Variants in ELOVL6 observed in about 807,000 individuals in gnomAD.
The protein encoded by ELOVL6 is very long chain fatty acid elongase 6.
A neutral mutation model predicts 31.7 loss-of-function variants in ELOVL6; 8 were observed. That is an observed-to-expected ratio of 0.25 (90% CI 0.15 to 0.45). ELOVL6 has a LOEUF of 0.45. Ranked by LOEUF, ELOVL6 falls within the 20% of genes least tolerant of loss-of-function variation. The probability of loss-of-function intolerance (pLI) is 1.00; values close to 1 mark genes in which losing one functional copy is unlikely to be tolerated. For synonymous variants in ELOVL6, 101 were observed against 117.7 expected, an observed-to-expected ratio of 0.86 and a Z score of 0.92; for missense variants, 126 against 326.4, an observed-to-expected ratio of 0.39 and a Z score of 4.73.
Position 110,105,636 on chromosome 4 carries a change from C to T in ELOVL6, c.90-8G>A. ...AACAGGAAAGATTTCTTCCTGCAAA[C>T]AAGCAAACAAAATCTTTAAGATATT... On this transcript the variant is annotated splice_polypyrimidine_tract_variant and splice_region_variant and intron_variant, in intron 1 of 3. Coordinates refer to ENST00000302274, the MANE Select transcript of ELOVL6 (RefSeq NM_024090.3). 1 of 1,606,902 alleles carries T rather than the reference C, an allele frequency of 6.2e-7. No individual in the cohort carries two copies. The highest frequency in any genetic ancestry group is 8.5e-7 in the Non-Finnish European group (1 of 1,176,946).
chr4:110,119,106 T>C (rs1030503804), intron 1 of ELOVL6, among the ~76,000 whole-genome samples: 2 of 152,122 alleles, frequency 1.3e-5, no homozygotes, highest in African/African-American at 4.8e-5. Context: ...TAGCAATAGC[T>C]CTATTTTCAG....
At chr4:110,077,119 A>G (rs1004650131) in intron 2 of ELOVL6, among the ~76,000 whole-genome samples, 3 of 152,188 alleles carry the variant, frequency 2.0e-5, no homozygotes, top group Non-Finnish European at 2.9e-5. Context: ...AGCCAACCGC[A>G]GCTCAAGGAG....
At chr4:110,113,731 T>C (rs1036147434) in intron 1 of ELOVL6, among the ~76,000 whole-genome samples, 1 of 152,218 alleles carries the variant, frequency 6.6e-6, no homozygotes, top group Non-Finnish European at 1.5e-5. Flanking sequence ...GGTGAGAATT[T>C]CCAGGTAACG....
In ELOVL6 at chr4:110,198,577, A is replaced by C; in HGVS notation, c.-242T>G. 2.1e-6 allele frequency: 1 copy of C among 473,218 alleles called. No homozygotes were observed. The highest frequency in any genetic ancestry group is 3.7e-6 in the Non-Finnish European group (1 of 267,742). 29.3% of individuals were successfully genotyped at this position (473,218 alleles called of 1,614,324 possible). On this transcript the variant is annotated 5_prime_UTR_variant, in exon 1 of 4. The change abolishes an upstream ATG in the 5' untranslated region. Coordinates refer to ENST00000302274, the MANE Select transcript of ELOVL6 (RefSeq NM_024090.3). ...GGGCTCTCCTCCTCCCGGCGTCCGC[A>C]TCCACCGTAGGAGGAAATGAATGCC... is the stretch of plus-strand genomic sequence containing the variant.
At chr4:110,197,974 C>A in intron 1 of ELOVL6, 1 of 521,330 alleles carries the variant, frequency 1.9e-6, no homozygotes. Flanking sequence ...CAGACATCAC[C>A]CTGTGCACAC....
intron 1 of ELOVL6, among the ~76,000 whole-genome samples, chr4:110,192,079 A>AGTAG: frequency 6.6e-6 from 1 of 151,908 alleles, no homozygotes; most frequent in Non-Finnish European, 1.5e-5. Context: ...AAACCCAGCT[A>AGTAG]CTCAGGAGGT....
At chr4:110,139,159 AAAC>A (rs1004069234) in intron 1 of ELOVL6, among the ~76,000 whole-genome samples, 6 of 152,082 alleles carry the variant, frequency 3.9e-5, no homozygotes, top group Non-Finnish European at 7.3e-5. Context: ...ATTAAAAAAT[AAAC>A]AACAAAATGA....
intron 2 of ELOVL6, among the ~76,000 whole-genome samples, chr4:110,078,762 G>A (rs1254221877): frequency 6.6e-6 from 1 of 152,138 alleles, no homozygotes; most frequent in Non-Finnish European, 1.5e-5. Flanking sequence ...ATGTAAATGG[G>A]CTAAATGCTC....
chr4:110,148,447 T>C (rs913204033), intron 1 of ELOVL6, among the ~76,000 whole-genome samples: 1 of 131,862 alleles, frequency 7.6e-6, no homozygotes, highest in Non-Finnish European at 1.5e-5. Flanking sequence ...CTCATGGAGA[T>C]AGAGAGTAGA....
chr4:110,162,988 T>C (rs1758673704), intron 1 of ELOVL6, among the ~76,000 whole-genome samples: 1 of 152,152 alleles, frequency 6.6e-6, no homozygotes, highest in African/African-American at 2.4e-5. Flanking sequence ...TGTCCAAGAC[T>C]ATGTAGGGGA....
chr4:110,149,261 C>G (rs1758216956), intron 1 of ELOVL6, among the ~76,000 whole-genome samples: 1 of 152,192 alleles, frequency 6.6e-6, no homozygotes, highest in South Asian at 2.1e-4. Context: ...ACCTTTGATC[C>G]AGCAATCCCA....
chr4:110,073,471 G>T (rs2126228014), intron 2 of ELOVL6, among the ~76,000 whole-genome samples: 1 of 152,284 alleles, frequency 6.6e-6, no homozygotes, highest in East Asian at 1.9e-4. Context: ...AACTCAGTGG[G>T]TATTTGTGAG....
At chr4:110,181,407 C>G (rs1759270970) in intron 1 of ELOVL6, among the ~76,000 whole-genome samples, 1 of 151,792 alleles carries the variant, frequency 6.6e-6, no homozygotes, top group South Asian at 2.1e-4. Flanking sequence ...AAGATCGCAC[C>G]TCTGCACTCT....
intron 2 of ELOVL6, among the ~76,000 whole-genome samples, chr4:110,088,575 C>T (rs1486305043): frequency 6.6e-6 from 1 of 152,216 alleles, no homozygotes; most frequent in Admixed American, 6.5e-5. Context: ...TAGATCTTGG[C>T]AACCTTAACA....
chr4:110,137,863 A>C (rs150616939), intron 1 of ELOVL6, among the ~76,000 whole-genome samples: 1 of 152,338 alleles, frequency 6.6e-6, no homozygotes, highest in African/African-American at 2.4e-5. Flanking sequence ...ATTCATTTAC[A>C]TGATTAGGGC....
At chr4:110,055,470 C>A (rs1414290227) in intron 3 of ELOVL6, among the ~76,000 whole-genome samples, 1 of 152,202 alleles carries the variant, frequency 6.6e-6, no homozygotes, top group Non-Finnish European at 1.5e-5. Context: ...ATCATGATTT[C>A]TCTAACCTTT....
rs1759298236 is a variant in ELOVL6, at chr4:110,182,241, TATTAAAAAAATCAAATTATGTA to T, written c.89+15984_89+16005del. Among the ~76,000 whole-genome samples, 3 of 152,138 alleles carry T rather than the reference TATTAAAAAAATCAAATTATGTA, an allele frequency of 2.0e-5. No individual in the cohort carries two copies. In the South Asian group the frequency reaches 6.2e-4, roughly 32 times the overall value. On this transcript the variant is annotated intron_variant, in intron 1 of 3. Transcript: ENST00000302274. ...CCTCCCTTGAAGTATGATCCTTTCCTATTAAAAAAATCAAATTATGTAATTTATTATTGAAGAAGGAGAAACA... is the reference window on the plus strand; with the variant it reads ...CCTCCCTTGAAGTATGATCCTTTCCTATTTATTATTGAAGAAGGAGAAACA...
chr4:110,174,507 T>A (rs1039363405), intron 1 of ELOVL6, among the ~76,000 whole-genome samples: 2 of 152,138 alleles, frequency 1.3e-5, no homozygotes, highest in Non-Finnish European at 2.9e-5. Flanking sequence ...AATGAATGCT[T>A]TTACTTTTGA....
At chr4:110,182,343 T>C (rs1177701986) in intron 1 of ELOVL6, among the ~76,000 whole-genome samples, 2 of 152,190 alleles carry the variant, frequency 1.3e-5, no homozygotes, top group African/African-American at 2.4e-5. Context: ...AGAAAGCAAA[T>C]TCATTTGGAG....
Sources: gnomAD v4.1 joint callset for allele counts (sites outside exome capture counted in the v4.1 genomes callset) on GRCh38, gnomAD v4.1.1 for gene constraint, MANE v1.5 for transcripts, NCBI Gene and HGNC (gene_info 2026-07-23, HGNC 2026-07-21) for gene names.